Variants in EBF1 observed in about 807,000 individuals in gnomAD.
EBF1 encodes transcription factor COE1.
A neutral mutation model predicts 68.4 loss-of-function variants in EBF1; 10 were observed. The observed-to-expected ratio is 0.15, with a 90% confidence interval of 0.09 to 0.25. The LOEUF is 0.25. EBF1 is among the 10% of genes least tolerant of loss of function. The pLI is 1.00. For missense variants in EBF1, 509 were observed against 794.4 expected, an observed-to-expected ratio of 0.64 and a Z score of 4.32; for synonymous variants, 298 against 299.8, an observed-to-expected ratio of 0.99 and a Z score of 0.06.
At chr5:159,064,556 A>G (rs990977599) in intron 6 of EBF1, among the ~76,000 whole-genome samples, 1 of 152,186 alleles carries the variant, frequency 6.6e-6, no homozygotes, top group Non-Finnish European at 1.5e-5. Context: ...AGTGCCATTT[A>G]GGTGTAAGCT....
chr5:158,800,252 T>A (rs1780342920), intron 8 of EBF1, among the ~76,000 whole-genome samples: 1 of 152,058 alleles, frequency 6.6e-6, no homozygotes, highest in African/African-American at 2.4e-5. Context: ...ACAGTGTAAT[T>A]AAGTTGATTT....
intron 7 of EBF1, among the ~76,000 whole-genome samples, chr5:158,823,726 C>T (rs1247539140): frequency 6.6e-6 from 1 of 152,176 alleles, no homozygotes; most frequent in Non-Finnish European, 1.5e-5. Flanking sequence ...TTTCTCCCCA[C>T]TGTGTCAGGG....
rs1016278890 is a variant in EBF1 at position 158,876,603 on chromosome 5, T to C, written c.555-36493A>G. ...CTTCAGGAAAAACAACATCTTTCCA[T>C]AAAAAGTTTCACGTTGCCCTATTAT... On this transcript the variant is annotated intron_variant, in intron 6 of 15. Transcript: ENST00000313708. Among the ~76,000 whole-genome samples the C allele has an allele frequency of 7.2e-5, 11 of 152,288 alleles. No homozygotes were observed. The South Asian group carries it at 2.3e-3, about 32-fold the overall frequency.
intron 5 of EBF1, among the ~76,000 whole-genome samples, chr5:159,076,439 C>T (rs73305717): frequency 0.014 from 2,192 of 152,158 alleles, 51 homozygotes; most frequent in African/African-American, 0.049. Flanking sequence ...CACTTAAGCA[C>T]GGTCGTCATC....
At chr5:159,012,300 AAAAAGAAAAG>A (rs1033044746) in intron 6 of EBF1, among the ~76,000 whole-genome samples, 1 of 152,110 alleles carries the variant, frequency 6.6e-6, no homozygotes, top group African/African-American at 2.4e-5. Flanking sequence ...AAAAAAAAGA[AAAAAGAAAAG>A]AAAAGAAAAG....
At chr5:158,818,721 C>G (rs182889490) in intron 8 of EBF1, among the ~76,000 whole-genome samples, 2 of 152,174 alleles carry the variant, frequency 1.3e-5, no homozygotes, top group Admixed American at 1.3e-4. Flanking sequence ...TGATTTGTAT[C>G]TGATGCCCAC....
intron 10 of EBF1, among the ~76,000 whole-genome samples, chr5:158,737,266 A>ATTTTTTTTTTTTTTT (rs61380054): frequency 5.4e-5 from 3 of 55,600 alleles, no homozygotes; most frequent in African/African-American, 8.0e-5. Flanking sequence ...ACATGCCCTG[A>ATTTTTTTTTTTTTTT]TTTTTTTTTT....
intron 10 of EBF1, among the ~76,000 whole-genome samples, chr5:158,775,776 GCACACAGACAC>G (rs1775039534): frequency 1.8e-5 from 1 of 56,002 alleles, no homozygotes; most frequent in African/African-American, 9.2e-5. Flanking sequence ...ACACACACAT[GCACACAGACAC>G]ACACACACAC....
intron 6 of EBF1, among the ~76,000 whole-genome samples, chr5:158,938,002 C>CT (rs1205459282): frequency 6.6e-6 from 1 of 152,186 alleles, no homozygotes; most frequent in Non-Finnish European, 1.5e-5. Flanking sequence ...CGTCGTGGAC[C>CT]TGGCATGTTC....
Position 158,698,785 on chromosome 5 carries a change from C to T in EBF1, c.*326G>A, listed in dbSNP as rs181233000. 44 of 246,748 alleles carry T rather than the reference C, an allele frequency of 1.8e-4. No homozygotes were observed. Among genetic ancestry groups the T allele is most frequent in the Admixed American group, 7.4e-4 (13 of 17,658 alleles). 15.3% of individuals were successfully genotyped at this position (246,748 alleles called of 1,614,324 possible). A position where few individuals can be genotyped will look rare whatever the true frequency, so the allele number is the denominator to read the frequency against. On this transcript the variant is annotated 3_prime_UTR_variant, in exon 16 of 16. Transcript: ENST00000313708. ...ATAGTGTCCCTTGTATAGAGCTTTA[C>T]GGTTTATAAAAGACAAATGATTGCA...
At position 158,699,287 on chromosome 5, in the gene EBF1, G is replaced by C. The variant is rs866824865; in HGVS notation, c.1745-145C>G. 2.0e-5 allele frequency: 14 copies of C among 711,008 alleles called. No individual in the cohort carries two copies. In the South Asian group the frequency reaches 2.5e-4, roughly 13 times the overall value. The allele number at this position is 711,008 out of a possible 1,614,324, so 44.0% of individuals were successfully genotyped here. On this transcript the variant is annotated intron_variant, in intron 15 of 15. Transcript: ENST00000313708. ...CACAAATTTGCTCTCATCTTCTCTGGAATGAATTTTCGTTATAAAATATAC... is the reference window on the plus strand; with the variant it reads ...CACAAATTTGCTCTCATCTTCTCTGCAATGAATTTTCGTTATAAAATATAC...
chr5:158,888,255 CGT>C (rs145411857), intron 6 of EBF1, among the ~76,000 whole-genome samples: 8,240 of 150,702 alleles, frequency 0.055, 292 homozygotes, highest in Non-Finnish European at 0.071. Flanking sequence ...ATTTTTTATT[CGT>C]GTGTGTGTGT....
intron 8 of EBF1, among the ~76,000 whole-genome samples, chr5:158,813,761 G>C (rs1274497951): frequency 2.0e-5 from 3 of 152,146 alleles, no homozygotes; most frequent in Non-Finnish European, 4.4e-5. Flanking sequence ...GGCAGAGCTT[G>C]GTTTTAATTT....
At chr5:158,778,958 CTGT>C (rs1775868212) in intron 9 of EBF1, among the ~76,000 whole-genome samples, 2 of 150,968 alleles carry the variant, frequency 1.3e-5, no homozygotes, top group African/African-American at 4.9e-5. Context: ...TTTTTTTTTC[CTGT>C]TGTTCTTAGC....
intron 6 of EBF1, among the ~76,000 whole-genome samples, chr5:158,908,307 T>C (rs1805114875): frequency 6.6e-6 from 1 of 152,246 alleles, no homozygotes; most frequent in Non-Finnish European, 1.5e-5. Context: ...TCTCTATGTA[T>C]GTCTACATAG....
intron 6 of EBF1, among the ~76,000 whole-genome samples, chr5:159,069,213 C>CG (rs1777387180): frequency 5.6e-4 from 1 of 1,796 alleles, no homozygotes; most frequent in African/African-American, 3.6e-3. Flanking sequence ...TTTCTATCTA[C>CG]TAAAAAAAAA....
At chr5:158,724,122 G>T (rs1762489104) in intron 11 of EBF1, among the ~76,000 whole-genome samples, 1 of 152,140 alleles carries the variant, frequency 6.6e-6, no homozygotes, top group Non-Finnish European at 1.5e-5. Context: ...GGGGGAAATG[G>T]ACAGCATTCC....
rs142739494 is a variant in EBF1, at chr5:158,871,007, A to G, written c.555-30897T>C. On this transcript the variant is annotated intron_variant, in intron 6 of 15. Coordinates refer to ENST00000313708, the MANE Select transcript of EBF1 (RefSeq NM_024007.5). ...GACAGACTGGGACCAAAGCCTGAAA[A>G]TTCAGTCAAGAAGGAACACTCTAAT... Among the ~76,000 whole-genome samples, 335 of 152,330 alleles carry G rather than the reference A, an allele frequency of 2.2e-3. 2 individuals carry two copies. The highest frequency in any genetic ancestry group is 2.8e-3 in the Non-Finnish European group (189 of 68,036).
chr5:158,771,265 A>G lies in EBF1; in HGVS notation c.1036+6148T>C, dbSNP rs1581735733. ...CACTCATACTGGACCAGGTACTCTC[A>G]GGATTGCATTACATACATTAACCCT... On this transcript the variant is annotated intron_variant, in intron 10 of 15. Coordinates refer to ENST00000313708, the MANE Select transcript of EBF1 (RefSeq NM_024007.5). 5.9e-5 allele frequency among the ~76,000 whole-genome samples: 9 copies of G among 152,248 alleles called. 3 individuals are homozygous for G. Among genetic ancestry groups the G allele is most frequent in the Admixed American group, 5.9e-4 (9 of 15,272 alleles).
Sources: allele counts gnomAD v4.1 joint callset (sites outside exome capture counted in the v4.1 genomes callset), GRCh38; gene constraint gnomAD v4.1.1; transcripts MANE v1.5; gene names NCBI Gene and HGNC (gene_info 2026-07-23, HGNC 2026-07-21).